Variants in WDR88 observed in about 807,000 individuals in gnomAD.
WDR88 encodes WD repeat domain 88.
In WDR88, 40 loss-of-function variants were observed where a neutral mutation model predicts 46.8. That is an observed-to-expected ratio of 0.86 (90% CI 0.66 to 1.11). WDR88 has a LOEUF of 1.11. Ranked by LOEUF, WDR88 falls within the 50% of genes most tolerant of loss-of-function variation. The probability of loss-of-function intolerance (pLI) is 0.00; values close to 1 mark genes in which losing one functional copy is unlikely to be tolerated. For missense variants in WDR88, 562 were observed against 602.4 expected, an observed-to-expected ratio of 0.93 and a Z score of 0.70; for synonymous variants, 235 against 240.7, an observed-to-expected ratio of 0.98 and a Z score of 0.22.
intron 7 of WDR88, among the ~76,000 whole-genome samples, chr19:33,157,787 TG>T (rs1432996570): frequency 1.4e-5 from 2 of 147,990 alleles, no homozygotes; most frequent in African/African-American, 5.0e-5. Context: ...AGCCTAGTTC[TG>T]GCCCCTGGCA....
chr19:33,160,943 G>T (rs1973854413), intron 8 of WDR88, among the ~76,000 whole-genome samples: 1 of 152,054 alleles, frequency 6.6e-6, no homozygotes, highest in African/African-American at 2.4e-5. Context: ...AGGCTGAGGT[G>T]GGCGGATCAC....
At chr19:33,149,882 G>A (rs1973597753) in intron 5 of WDR88, among the ~76,000 whole-genome samples, 1 of 151,854 alleles carries the variant, frequency 6.6e-6, no homozygotes, top group African/African-American at 2.4e-5. Flanking sequence ...CTGGTCTCGA[G>A]CTCCTGACCT....
intron 5 of WDR88, 33 bp from the exon 6 acceptor site, chr19:33,151,148 T>C (rs1973625488): frequency 6.3e-7 from 1 of 1,599,208 alleles, no homozygotes; most frequent in Admixed American, 1.7e-5. Context: ...GTGGAAGGCG[T>C]GGTCTCAAGT....
At chr19:33,155,874 C>T (rs1392513778) in intron 6 of WDR88, among the ~76,000 whole-genome samples, 1 of 152,184 alleles carries the variant, frequency 6.6e-6, no homozygotes, top group African/African-American at 2.4e-5. Flanking sequence ...GCTGCTCCAC[C>T]TCCTACAGAA....
At chr19:33,167,689 T>C (rs1411370466) in intron 9 of WDR88, among the ~76,000 whole-genome samples, 1 of 151,134 alleles carries the variant, frequency 6.6e-6, no homozygotes, top group African/African-American at 2.4e-5. Context: ...TCCTTCCTTC[T>C]GTCCTTTCTT....
At chr19:33,133,157 G>GAATAAATAAATA (rs375517673) in intron 1 of WDR88, among the ~76,000 whole-genome samples, 92 of 105,772 alleles carry the variant, frequency 8.7e-4, no homozygotes, top group African/African-American at 3.2e-3. Context: ...ACTGTCTCCA[G>GAATAAATAAATA]AATAAATAAA....
In WDR88 at chr19:33,156,383, T is replaced by C. The variant is rs1222353701; in HGVS notation, c.838T>C (p.Cys280Arg). 4 of 1,614,188 alleles carry C rather than the reference T, an allele frequency of 2.5e-6. No homozygotes were observed. The highest frequency in any genetic ancestry group is 1.7e-5 in the Admixed American group (1 of 60,014). The change falls in exon 7 of 11, where the codon TGT becomes CGT. Residue 280 changes from cysteine to arginine, a missense_variant. Transcript: ENST00000355868. ...KAHSNAISNC[C>R]FTFSGHFLCT... is the part of the protein sequence containing the mutation. ...ACATTCCAATGCAATCTCAAACTGC[T>C]GTTTTACCTTCAGTGGCCATTTCCT... is the stretch of plus-strand genomic sequence containing the variant.
intron 6 of WDR88, among the ~76,000 whole-genome samples, chr19:33,153,501 G>A (rs532300730): frequency 1.3e-5 from 2 of 152,098 alleles, no homozygotes; most frequent in South Asian, 4.2e-4. Context: ...TAGCCCGACC[G>A]ACATTATGAA....
At position 33,144,937 on chromosome 19, in the gene WDR88, C is replaced by A; in HGVS notation, c.476+5C>A. On this transcript the variant is annotated splice_donor_5th_base_variant and intron_variant, in intron 3 of 10. Coordinates refer to ENST00000355868, the MANE Select transcript of WDR88 (RefSeq NM_173479.4). ...CATCACCGGCGACAGCAGCAGGTGA[C>A]CTTTCCCTCGTCTTACACTGGGAAG... The A allele has an allele frequency of 1.9e-6, 3 of 1,612,138 alleles. No homozygotes were observed. Among genetic ancestry groups the A allele is most frequent in the Non-Finnish European group, 2.5e-6 (3 of 1,179,102 alleles).
intron 10 of WDR88, among the ~76,000 whole-genome samples, chr19:33,173,254 G>A (rs1163054028): frequency 6.6e-6 from 1 of 152,170 alleles, no homozygotes; most frequent in South Asian, 2.1e-4. Context: ...ACTGGTCAGT[G>A]GAGGAATGGC....
Position 33,144,919 on chromosome 19 carries a change from G to A in WDR88, c.463G>A (p.Gly155Ser), listed in dbSNP as rs759683512. Residue 155 changes from glycine to serine, a missense_variant, in exon 3 of 11, where the codon GGC becomes AGC. Physicochemically the swap from Gly to Ser is moderately conservative, Grantham distance 56. Coordinates refer to ENST00000355868, the MANE Select transcript of WDR88 (RefSeq NM_173479.4). The part of the protein sequence containing the change: ...KAPVVECSIT[G>S]DSSRVIAASY... ...TCCTGTTGTAGAGTGCAGCATCACC[G>A]GCGACAGCAGCAGGTGACCTTTCCC... The A allele has an allele frequency of 1.4e-5, 23 of 1,613,174 alleles. No individual in the cohort carries two copies. The highest frequency in any genetic ancestry group is 1.8e-5 in the Non-Finnish European group (21 of 1,179,740).
At position 33,132,134 on chromosome 19, in the gene WDR88, G is replaced by A. The variant is rs776702467; in HGVS notation, c.-36G>A. On this transcript the variant is annotated 5_prime_UTR_variant, in exon 1 of 11. Transcript: ENST00000355868. ...CGCGCGGCGCCACCGTTCCCATCCA[G>A]GCTTGTCGGCGGCCACCGGCGGACC... 7.1e-6 allele frequency: 11 copies of A among 1,552,808 alleles called. No individual in the cohort carries two copies. Among genetic ancestry groups the A allele is most frequent in the South Asian group, 1.2e-5 (1 of 84,872 alleles).
intron 3 of WDR88, among the ~76,000 whole-genome samples, chr19:33,145,390 C>T (rs1183239073): frequency 6.6e-6 from 1 of 151,806 alleles, no homozygotes; most frequent in Non-Finnish European, 1.5e-5. Context: ...TAGGCTCAAA[C>T]AATCCTGCCT....
chr19:33,134,814 T>C (rs1460482997), intron 1 of WDR88, among the ~76,000 whole-genome samples: 1 of 147,432 alleles, frequency 6.8e-6, no homozygotes, highest in African/African-American at 2.5e-5. Context: ...TCTCATCCCC[T>C]GCATCTCCAC....
intron 2 of WDR88, among the ~76,000 whole-genome samples, chr19:33,139,422 A>T (rs768936754): frequency 2.4e-4 from 37 of 152,116 alleles, no homozygotes; most frequent in Non-Finnish European, 4.4e-4. Flanking sequence ...ATGGGAGAGG[A>T]CGGTCAGTTG....
chr19:33,164,279 A>G lies in WDR88; in HGVS notation c.1149+14A>G. Reference sequence around the variant, plus strand: ...TCTGCTTCCAAGGTAAAAGTGGTCAAGCTTACAATATCGATCACGTTCGCC... The same window carrying G: ...TCTGCTTCCAAGGTAAAAGTGGTCAGGCTTACAATATCGATCACGTTCGCC... On this transcript the variant is annotated intron_variant, in intron 9 of 10. Coordinates refer to ENST00000355868, the MANE Select transcript of WDR88 (RefSeq NM_173479.4). 6.2e-7 allele frequency: 1 copy of G among 1,611,488 alleles called. No individual in the cohort carries two copies. The highest frequency in any genetic ancestry group is 8.5e-7 in the Non-Finnish European group (1 of 1,177,548).
Position 33,132,423 on chromosome 19 carries a change from G to A in WDR88, c.254G>A (p.Gly85Asp), listed in dbSNP as rs749269993. 1.9e-6 allele frequency: 3 copies of A among 1,614,038 alleles called. No individual in the cohort carries two copies. Among genetic ancestry groups the A allele is most frequent in the Admixed American group, 3.3e-5 (2 of 60,026 alleles). ...KHQVPEKLIW[G>D]DQDPLSKIPF... The stretch of plus-strand genomic sequence containing the variant: ...CAGGTGCCGGAGAAATTGATCTGGG[G>A]CGACCAGGACCCTCTCTCCAAGGTC... Residue 85 changes from glycine to aspartate, a missense_variant, in exon 1 of 11, where the codon GGC becomes GAC. Physicochemically the swap from Gly to Asp is moderately conservative, Grantham distance 94. Coordinates refer to ENST00000355868, the MANE Select transcript of WDR88 (RefSeq NM_173479.4).
intron 3 of WDR88, among the ~76,000 whole-genome samples, chr19:33,145,384 C>T (rs1973490579): frequency 6.6e-6 from 1 of 151,892 alleles, no homozygotes; most frequent in South Asian, 2.1e-4. Flanking sequence ...AACTCCTAGG[C>T]TCAAACAATC....
rs62125333 is a variant in WDR88 at position 33,172,448 on chromosome 19, T to C, written c.1242+8T>C. Reference sequence around the variant, plus strand: ...GGCTTAAAGTTGAAACAGGTTGGTATTGGGTAAAATTAAGCCCAGTGAAGG... The same window carrying C: ...GGCTTAAAGTTGAAACAGGTTGGTACTGGGTAAAATTAAGCCCAGTGAAGG... On this transcript the variant is annotated splice_region_variant and intron_variant, in intron 10 of 10. Coordinates refer to ENST00000355868, the MANE Select transcript of WDR88 (RefSeq NM_173479.4). 0.13 allele frequency: 205,823 copies of C among 1,608,502 alleles called. 16,019 individuals carry two copies. The highest frequency in any genetic ancestry group is 0.34 in the South Asian group (31,069 of 90,802).
Sources: allele counts gnomAD v4.1 joint callset (sites outside exome capture counted in the v4.1 genomes callset), GRCh38; gene constraint gnomAD v4.1.1; transcripts MANE v1.5; gene names NCBI Gene and HGNC (gene_info 2026-07-23, HGNC 2026-07-21).